The following NUP37 variants were observed in gnomAD, a reference collection of about 807,000 sequenced individuals.
NUP37 encodes nucleoporin Nup37.
In NUP37, 33 loss-of-function variants were observed where a neutral mutation model predicts 45.4. The ratio of observed to expected loss-of-function variants is 0.73; its 90% CI spans 0.55 to 0.97. NUP37 has a LOEUF of 0.97. NUP37 is among the 50% of genes least tolerant of loss of function. The probability of loss-of-function intolerance (pLI) is 0.00; values close to 1 mark genes in which losing one functional copy is unlikely to be tolerated. For synonymous variants in NUP37, 127 were observed against 130.7 expected, an observed-to-expected ratio of 0.97 and a Z score of 0.19; for missense variants, 365 against 389.7, an observed-to-expected ratio of 0.94 and a Z score of 0.53.
chr12:102,080,417 C>A (rs1470097716), intron 6 of NUP37, among the ~76,000 whole-genome samples: 1 of 151,922 alleles, frequency 6.6e-6, no homozygotes, highest in African/African-American at 2.4e-5. Context: ...TGAGACCCTG[C>A]CTCAAAAACA....
intron 3 of NUP37, among the ~76,000 whole-genome samples, chr12:102,111,860 T>A (rs1456372951): frequency 6.6e-6 from 1 of 152,228 alleles, no homozygotes; most frequent in Non-Finnish European, 1.5e-5. Context: ...TTCAGATGAA[T>A]CTCACGTAAA....
intron 5 of NUP37, among the ~76,000 whole-genome samples, chr12:102,089,773 C>A (rs1469021301): frequency 6.6e-6 from 1 of 152,058 alleles, no homozygotes; most frequent in Non-Finnish European, 1.5e-5. Flanking sequence ...GGCAGAGGCG[C>A]CCCTCAATTT....
intron 5 of NUP37, among the ~76,000 whole-genome samples, chr12:102,091,479 A>G (rs1463649980): frequency 6.6e-6 from 1 of 151,816 alleles, no homozygotes; most frequent in Non-Finnish European, 1.5e-5. Context: ...ATAATTAAGC[A>G]TATGAAAAGA....
intron 4 of NUP37, among the ~76,000 whole-genome samples, chr12:102,100,526 C>T (rs1879941035): frequency 5.9e-5 from 9 of 152,198 alleles, no homozygotes. Flanking sequence ...TGATTACCCA[C>T]ATTTTACAGG....
chr12:102,073,709 T>G lies in NUP37; in HGVS notation c.*645A>C, dbSNP rs1879092789. 6.6e-6 allele frequency: 1 copy of G among 152,126 alleles called. No individual in the cohort carries two copies. The highest frequency in any genetic ancestry group is 1.5e-5 in the Non-Finnish European group (1 of 68,030). 9.4% of individuals were successfully genotyped at this position (152,126 alleles called of 1,614,324 possible). A position where few individuals can be genotyped will look rare whatever the true frequency, so the allele number is the denominator to read the frequency against. On this transcript the variant is annotated 3_prime_UTR_variant, in exon 10 of 10. Transcript: ENST00000552283. Reference sequence around the variant, plus strand: ...TCCTTGGATTTTTTTTCTTTTGAGATAGTCTCGCTCTGTCGCCCAGGCTGC... The same window carrying G: ...TCCTTGGATTTTTTTTCTTTTGAGAGAGTCTCGCTCTGTCGCCCAGGCTGC...
At chr12:102,083,192 A>G (rs1879376174) in intron 6 of NUP37, among the ~76,000 whole-genome samples, 1 of 152,246 alleles carries the variant, frequency 6.6e-6, no homozygotes, top group South Asian at 2.1e-4. Context: ...CATGCAGGTC[A>G]TAGTTTTTAA....
chr12:102,090,104 A>C (rs1423772904), intron 5 of NUP37, among the ~76,000 whole-genome samples: 2 of 152,128 alleles, frequency 1.3e-5, no homozygotes, highest in East Asian at 1.9e-4. Flanking sequence ...TTCCCCTCTC[A>C]TATTTAATTA....
chr12:102,075,755 T>C (rs368331607), intron 8 of NUP37, among the ~76,000 whole-genome samples: 59 of 152,292 alleles, frequency 3.9e-4, no homozygotes, highest in African/African-American at 1.3e-3. Context: ...CCCTTTTCCA[T>C]GCTAAGTGAA....
At chr12:102,107,148 CTTG>C (rs1365146915) in intron 3 of NUP37, among the ~76,000 whole-genome samples, 1 of 152,208 alleles carries the variant, frequency 6.6e-6, no homozygotes, top group Non-Finnish European at 1.5e-5. Context: ...CCTTGCAATA[CTTG>C]TTGTCTTAGT....
In NUP37 at chr12:102,118,528, C is replaced by G. The variant is rs557094628; in HGVS notation, c.-10G>C. On this transcript the variant is annotated 5_prime_UTR_variant, in exon 2 of 10. Transcript: ENST00000552283. Reference sequence around the variant, plus strand: ...AGGCATCTTGCTTCATCTTGTATGTCAAAATTCAAGCAGTTGTGAAAATTA... The same window carrying G: ...AGGCATCTTGCTTCATCTTGTATGTGAAAATTCAAGCAGTTGTGAAAATTA... The G allele has an allele frequency of 6.2e-7, 1 of 1,603,242 alleles. No homozygotes were observed. The highest frequency in any genetic ancestry group is 1.3e-5 in the African/African-American group (1 of 74,400).
At chr12:102,094,372 C>T (rs1236170506) in intron 5 of NUP37, among the ~76,000 whole-genome samples, 5 of 152,038 alleles carry the variant, frequency 3.3e-5, no homozygotes, top group Non-Finnish European at 7.4e-5. Flanking sequence ...ATGGTTTATG[C>T]ACTCCCAGAC....
chr12:102,088,377 T>A (rs1879531467), intron 5 of NUP37, among the ~76,000 whole-genome samples: 1 of 152,132 alleles, frequency 6.6e-6, no homozygotes, highest in African/African-American at 2.4e-5. Context: ...ATAATAAAAA[T>A]ACACAAATCT....
intron 2 of NUP37, among the ~76,000 whole-genome samples, chr12:102,115,299 C>T (rs1385590371): frequency 6.6e-6 from 1 of 152,190 alleles, no homozygotes; most frequent in Non-Finnish European, 1.5e-5. Context: ...ACTAGCCACA[C>T]AGGACCTTAT....
At chr12:102,078,164 C>CT (rs1203225572) in intron 6 of NUP37, among the ~76,000 whole-genome samples, 1 of 144,140 alleles carries the variant, frequency 6.9e-6, no homozygotes, top group African/African-American at 2.6e-5. Context: ...CCCGTCTCTA[C>CT]TAAAAAAAAA....
Position 102,080,052 on chromosome 12 carries a change from C to T in NUP37, c.541-2549G>A, listed in dbSNP as rs537461459. On this transcript the variant is annotated intron_variant, in intron 6 of 9. Transcript: ENST00000552283. Reference sequence around the variant, plus strand: ...GATCTACTGTATACATACATACATACACAAAACACTGTATTAATTCCAACA... The same window carrying T: ...GATCTACTGTATACATACATACATATACAAAACACTGTATTAATTCCAACA... Among the ~76,000 whole-genome samples the T allele has an allele frequency of 4.1e-4, 63 of 152,254 alleles. No homozygotes were observed. The South Asian group carries it at 9.5e-3, about 23-fold the overall frequency.
chr12:102,074,910 A>G (rs1003316041), intron 9 of NUP37, 91 bp downstream of exon 9: 16 of 679,380 alleles, frequency 2.4e-5, no homozygotes, highest in Non-Finnish European at 3.8e-5. Flanking sequence ...TTCAGTCAAC[A>G]AATTACAAAT....
chr12:102,080,233 G>A (rs1476000710), intron 6 of NUP37, among the ~76,000 whole-genome samples: 2 of 152,168 alleles, frequency 1.3e-5, no homozygotes, highest in Non-Finnish European at 2.9e-5. Context: ...TGGAATTACA[G>A]TATTCTTAAT....
chr12:102,117,790 G>C (rs768079301), intron 2 of NUP37, among the ~76,000 whole-genome samples: 2 of 152,196 alleles, frequency 1.3e-5, no homozygotes, highest in Non-Finnish European at 2.9e-5. Flanking sequence ...CTCATAGCTA[G>C]TAAGAAGTAA....
Position 102,089,643 on chromosome 12 carries a change from G to A in NUP37, c.450-3787C>T, listed in dbSNP as rs1190684090. Among the ~76,000 whole-genome samples the A allele has an allele frequency of 3.5e-5, 5 of 141,384 alleles. No homozygotes were observed. The East Asian group carries it at 1.1e-3, about 32-fold the overall frequency. 92.8% of individuals were successfully genotyped at this position (141,384 alleles called of 152,430 possible). A position where few individuals can be genotyped will look rare whatever the true frequency, so the allele number is the denominator to read the frequency against. On this transcript the variant is annotated intron_variant, in intron 5 of 9. Transcript: ENST00000552283. ...AGGCGCTCCTCACATCCCAGACGATGAGCGGCTGGGCAGAGGCGCTCCTCA... is the reference window on the plus strand; with the variant it reads ...AGGCGCTCCTCACATCCCAGACGATAAGCGGCTGGGCAGAGGCGCTCCTCA...
Sources: allele counts gnomAD v4.1 joint callset (sites outside exome capture counted in the v4.1 genomes callset), GRCh38; gene constraint gnomAD v4.1.1; transcripts MANE v1.5; gene names NCBI Gene and HGNC (gene_info 2026-07-23, HGNC 2026-07-21).